Variants in TSEN2 observed in about 807,000 individuals in gnomAD.
TSEN2 encodes tRNA-splicing endonuclease subunit Sen2.
Under a neutral mutation model 59.2 loss-of-function variants are expected in TSEN2, and 54 were observed. That is an observed-to-expected ratio of 0.91 (90% CI 0.73 to 1.14). TSEN2 has a LOEUF of 1.14. Ranked by LOEUF, TSEN2 falls within the 50% of genes most tolerant of loss-of-function variation. The pLI, the probability that TSEN2 is intolerant of heterozygous loss-of-function variation, is 0.00. For missense variants in TSEN2, 636 were observed against 576.2 expected, an observed-to-expected ratio of 1.10 and a Z score of -1.06; for synonymous variants, 195 against 198.2, an observed-to-expected ratio of 0.98 and a Z score of 0.14.
intron 3 of TSEN2, 49 bp downstream of exon 3, chr3:12,492,266 T>G: frequency 6.6e-7 from 1 of 1,524,498 alleles, no homozygotes; most frequent in Non-Finnish European, 9.1e-7. Context: ...ATCATTTTCC[T>G]TTGTTTTTGA....
chr3:12,534,464 A>G (rs1253214740), downstream of TSEN2, among the ~76,000 whole-genome samples: 5 of 151,998 alleles, frequency 3.3e-5, no homozygotes, highest in African/African-American at 4.8e-5. Context: ...GATAACCTCA[A>G]TTTTCTTATT....
At chr3:12,522,176 A>G (rs1329111634) in intron 8 of TSEN2, among the ~76,000 whole-genome samples, 1 of 152,164 alleles carries the variant, frequency 6.6e-6, no homozygotes, top group Admixed American at 6.5e-5. Context: ...TGATCAAGTT[A>G]TACTTTGGAT....
chr3:12,482,915 C>A (rs1258474578), upstream of TSEN2, among the ~76,000 whole-genome samples: 2 of 152,222 alleles, frequency 1.3e-5, no homozygotes, highest in African/African-American at 4.8e-5. Flanking sequence ...GTGACTCTTG[C>A]CAATTTTCTC....
intron 8 of TSEN2, among the ~76,000 whole-genome samples, chr3:12,520,473 T>A (rs2056545651): frequency 6.6e-6 from 1 of 152,188 alleles, no homozygotes; most frequent in Non-Finnish European, 1.5e-5. Context: ...TAAATCAATA[T>A]TTTACTTATT....
intron 7 of TSEN2, among the ~76,000 whole-genome samples, chr3:12,517,941 A>T (rs1176038830): frequency 6.6e-6 from 1 of 152,158 alleles, no homozygotes; most frequent in Non-Finnish European, 1.5e-5. Context: ...ACAACTGCAA[A>T]AAAAAAACAA....
chr3:12,536,584 T>C (rs1199721933), downstream of TSEN2, among the ~76,000 whole-genome samples: 3 of 152,292 alleles, frequency 2.0e-5, no homozygotes, highest in Admixed American at 6.5e-5. Flanking sequence ...AAAGGAAACT[T>C]AATCTAAGGA....
intron 10 of TSEN2, chr3:12,530,716 T>C: frequency 1.0e-6 from 1 of 985,440 alleles, no homozygotes; most frequent in Non-Finnish European, 1.2e-6. Flanking sequence ...CCTATACTGT[T>C]TCTAGAATTT....
intron 2 of TSEN2, 151 bp from the exon 3 acceptor site, chr3:12,491,985 A>G: frequency 3.0e-6 from 2 of 666,844 alleles, no homozygotes; most frequent in Non-Finnish European, 2.7e-6. Context: ...ACCATTTTAT[A>G]TCAGGGACTC....
upstream of TSEN2, among the ~76,000 whole-genome samples, chr3:12,482,916 C>T (rs887518222): frequency 1.3e-5 from 2 of 152,196 alleles, no homozygotes; most frequent in African/African-American, 4.8e-5. Flanking sequence ...TGACTCTTGC[C>T]AATTTTCTCC....
upstream of TSEN2, among the ~76,000 whole-genome samples, chr3:12,483,211 A>C (rs2052264121): frequency 6.6e-6 from 1 of 152,164 alleles, no homozygotes; most frequent in South Asian, 2.1e-4. Flanking sequence ...CCCCGTTTCT[A>C]CTAAAAATAT....
chr3:12,487,172 A>C (rs1422269847), intron 1 of TSEN2, among the ~76,000 whole-genome samples: 1 of 152,202 alleles, frequency 6.6e-6, no homozygotes, highest in Non-Finnish European at 1.5e-5. Flanking sequence ...TGGGTTGTGC[A>C]AGGTCACACA....
chr3:12,491,800 T>G (rs1383780317), intron 2 of TSEN2, among the ~76,000 whole-genome samples: 1 of 152,200 alleles, frequency 6.6e-6, no homozygotes. Flanking sequence ...CAACCTTGGA[T>G]TGAAGATATT....
Position 12,529,071 on chromosome 3 carries a change from C to G in TSEN2, c.1136+147C>G, listed in dbSNP as rs924554503. 8 of 787,454 alleles carry G rather than the reference C, an allele frequency of 1.0e-5. No individual in the cohort carries two copies. In the African/African-American group the frequency reaches 1.4e-4, roughly 13 times the overall value. 48.8% of individuals were successfully genotyped at this position (787,454 alleles called of 1,614,324 possible). ...GATGCTATATGTTCATGCCTCCTTA[C>G]ACACTAATGTCATTATACTATATAT... On this transcript the variant is annotated intron_variant, in intron 9 of 11. Transcript: ENST00000284995.
chr3:12,503,069 C>CA (rs1461419149), intron 4 of TSEN2, among the ~76,000 whole-genome samples, 193 bp from the exon 5 acceptor site: 4 of 150,316 alleles, frequency 2.7e-5, no homozygotes, highest in East Asian at 3.9e-4. Flanking sequence ...GACTCCATCT[C>CA]AAAAAAATAA....
rs1409912198 is a variant in TSEN2 at position 12,532,710 on chromosome 3, G to A, written c.1387G>A (p.Asp463Asn). ...WVSSRERSDQ[D>N]DL ...TTCTTCACGAGAGAGGAGTGACCAA[G>A]ACGATCTTTAACAATTCAACCTCAA... The change falls in exon 12 of 12, where the codon GAC (aspartate) becomes AAC (asparagine). Residue 463 changes from aspartate (D) to asparagine (N), a missense_variant. Coordinates refer to ENST00000284995, the MANE Select transcript of TSEN2 (RefSeq NM_025265.4). 1 of 1,614,132 alleles carries A rather than the reference G, an allele frequency of 6.2e-7. No homozygotes were observed. The highest frequency in any genetic ancestry group is 8.5e-7 in the Non-Finnish European group (1 of 1,180,002).
At chr3:12,512,195 C>T (rs2055546214) in intron 6 of TSEN2, among the ~76,000 whole-genome samples, 1 of 152,148 alleles carries the variant, frequency 6.6e-6, no homozygotes, top group Non-Finnish European at 1.5e-5. Flanking sequence ...TAGCCAACTT[C>T]CCTGGGTGGA....
chr3:12,510,470 A>C (rs963520076), intron 6 of TSEN2, among the ~76,000 whole-genome samples: 1 of 152,188 alleles, frequency 6.6e-6, no homozygotes, highest in Admixed American at 6.5e-5. Flanking sequence ...TCTTATTTAG[A>C]AAATAAAGAC....
At chr3:12,496,886 C>G (rs1485268526) in intron 4 of TSEN2, among the ~76,000 whole-genome samples, 1 of 152,156 alleles carries the variant, frequency 6.6e-6, no homozygotes, top group Non-Finnish European at 1.5e-5. Flanking sequence ...CACAGATGGT[C>G]CTGTCCCCCT....
intron 8 of TSEN2, 78 bp from the exon 9 acceptor site, chr3:12,528,810 G>A (rs1328252117): frequency 8.0e-6 from 12 of 1,506,434 alleles, no homozygotes; most frequent in Non-Finnish European, 1.0e-5. Context: ...AGTTAATAAA[G>A]CAAGCTTTTT....
Sources: allele counts gnomAD v4.1 joint callset (sites outside exome capture counted in the v4.1 genomes callset), GRCh38; gene constraint gnomAD v4.1.1; transcripts MANE v1.5; gene names NCBI Gene and HGNC (gene_info 2026-07-23, HGNC 2026-07-21).